Variants in HS6ST3 observed in about 807,000 individuals in gnomAD.
The protein encoded by HS6ST3 is heparan sulfate 6-O-sulfotransferase 3.
A neutral mutation model predicts 36.7 loss-of-function variants in HS6ST3; 12 were observed. The observed-to-expected ratio is 0.33, with a 90% confidence interval of 0.21 to 0.53. HS6ST3 has a LOEUF of 0.53. Among genes scored for constraint, HS6ST3 ranks in the 20% least tolerant of loss-of-function variants. HS6ST3 has a pLI of 0.95. For synonymous variants in HS6ST3, 240 were observed against 257.5 expected (o/e 0.93, Z 0.65); for missense variants, 584 against 640.9 (o/e 0.91, Z 0.96).
intron 1 of HS6ST3, among the ~76,000 whole-genome samples, chr13:96,378,169 A>G (rs1032804010): frequency 2.6e-5 from 4 of 152,192 alleles, no homozygotes; most frequent in Admixed American, 6.5e-5. Context: ...GCACCATGGC[A>G]TCATGCTAAC....
chr13:96,807,212 C>G (rs1878215426), intron 1 of HS6ST3, among the ~76,000 whole-genome samples: 1 of 152,194 alleles, frequency 6.6e-6, no homozygotes, highest in South Asian at 2.1e-4. Flanking sequence ...AATTACATCA[C>G]AAACCAAACT....
At chr13:96,520,624 A>G (rs147609783) in intron 1 of HS6ST3, among the ~76,000 whole-genome samples, 22 of 151,492 alleles carry the variant, frequency 1.5e-4, no homozygotes, top group Middle Eastern at 3.4e-3. Context: ...GCAATTGTGA[A>G]TGTAGCAATT....
chr13:96,585,504 A>G (rs1397015599), intron 1 of HS6ST3, among the ~76,000 whole-genome samples: 4 of 152,192 alleles, frequency 2.6e-5, no homozygotes, highest in African/African-American at 9.6e-5. Flanking sequence ...TTTCAATAAT[A>G]CAATATATAA....
At chr13:96,198,698 C>CTGAGG (rs2054326871) in intron 1 of HS6ST3, among the ~76,000 whole-genome samples, 1 of 152,182 alleles carries the variant, frequency 6.6e-6, no homozygotes, top group Non-Finnish European at 1.5e-5. Context: ...CATCTGAGAC[C>CTGAGG]AACTCAGCCT....
chr13:96,413,633 C>T (rs2055519113), intron 1 of HS6ST3, among the ~76,000 whole-genome samples: 1 of 152,084 alleles, frequency 6.6e-6, no homozygotes, highest in Non-Finnish European at 1.5e-5. Flanking sequence ...GTTTTACTTG[C>T]CAGATCCATC....
intron 1 of HS6ST3, among the ~76,000 whole-genome samples, chr13:96,266,615 A>G (rs1421960364): frequency 2.0e-5 from 3 of 152,130 alleles, no homozygotes; most frequent in African/African-American, 7.2e-5. Context: ...CCAATTTTAG[A>G]TTTGCACTAA....
chr13:96,131,215 T>G (rs2053973963), intron 1 of HS6ST3, among the ~76,000 whole-genome samples: 1 of 152,190 alleles, frequency 6.6e-6, no homozygotes, highest in Non-Finnish European at 1.5e-5. Flanking sequence ...TCAAAACAAG[T>G]CATTAACTAC....
chr13:96,374,677 T>TC (rs1188057565), intron 1 of HS6ST3, among the ~76,000 whole-genome samples: 1 of 152,044 alleles, frequency 6.6e-6, no homozygotes, highest in Admixed American at 6.6e-5. Context: ...TCTTGAGTGG[T>TC]AAAAACCATA....
At chr13:96,784,144 TTATTTGTATCAA>T (rs1194472752) in intron 1 of HS6ST3, among the ~76,000 whole-genome samples, 2 of 151,906 alleles carry the variant, frequency 1.3e-5, no homozygotes, top group African/African-American at 4.8e-5. Flanking sequence ...AGTTGCGTGT[TTATTTGTATCAA>T]TATCTGCTTT....
At chr13:96,578,343 G>A (rs1430119246) in intron 1 of HS6ST3, among the ~76,000 whole-genome samples, 1 of 152,182 alleles carries the variant, frequency 6.6e-6, no homozygotes, top group Non-Finnish European at 1.5e-5. Flanking sequence ...AAAATGCCAA[G>A]TTTGGGTCAT....
chr13:96,760,120 T>G (rs1876929125), intron 1 of HS6ST3, among the ~76,000 whole-genome samples: 1 of 152,064 alleles, frequency 6.6e-6, no homozygotes, highest in Non-Finnish European at 1.5e-5. Flanking sequence ...TTTAGTCTAT[T>G]GTATATCTAG....
At chr13:96,776,816 A>T (rs1248835977) in intron 1 of HS6ST3, among the ~76,000 whole-genome samples, 1 of 152,214 alleles carries the variant, frequency 6.6e-6, no homozygotes, top group Non-Finnish European at 1.5e-5. Context: ...ATAGAAACAG[A>T]CAGACTCCTC....
chr13:96,110,454 T>G (rs2053862731), intron 1 of HS6ST3, among the ~76,000 whole-genome samples: 1 of 151,014 alleles, frequency 6.6e-6, no homozygotes. Flanking sequence ...TTTTTTTTTT[T>G]GAGACGGTGT....
intron 1 of HS6ST3, among the ~76,000 whole-genome samples, chr13:96,263,123 A>G (rs1361707614): frequency 1.3e-5 from 2 of 152,234 alleles, no homozygotes; most frequent in African/African-American, 4.8e-5. Flanking sequence ...TACTCTTGCA[A>G]AATAGCTGTT....
At chr13:96,235,359 G>A (rs1384563632) in intron 1 of HS6ST3, among the ~76,000 whole-genome samples, 2 of 152,100 alleles carry the variant, frequency 1.3e-5, no homozygotes, top group Non-Finnish European at 2.9e-5. Context: ...GTCAGAGCAG[G>A]CAGTCAACTG....
intron 1 of HS6ST3, among the ~76,000 whole-genome samples, chr13:96,396,497 T>C (rs1232237819): frequency 6.6e-6 from 1 of 152,176 alleles, no homozygotes; most frequent in Non-Finnish European, 1.5e-5. Context: ...CATATAGATA[T>C]ATAGGTTCTA....
intron 1 of HS6ST3, among the ~76,000 whole-genome samples, chr13:96,726,735 TG>T (rs1488432670): frequency 6.6e-6 from 1 of 152,254 alleles, no homozygotes; most frequent in Non-Finnish European, 1.5e-5. Context: ...TTAAGATTTT[TG>T]GAAGATATTT....
chr13:96,360,338 T>C (rs2055231447), intron 1 of HS6ST3, among the ~76,000 whole-genome samples: 1 of 152,094 alleles, frequency 6.6e-6, no homozygotes, highest in Non-Finnish European at 1.5e-5. Flanking sequence ...GAATGTCTTA[T>C]TCAGTGCTCC....
At chr13:96,115,367 C>T (rs1159753977) in intron 1 of HS6ST3, among the ~76,000 whole-genome samples, 1 of 152,072 alleles carries the variant, frequency 6.6e-6, no homozygotes, top group Non-Finnish European at 1.5e-5. Flanking sequence ...GTTTGCTGCA[C>T]CTATTGACCC....
Sources: gnomAD v4.1 joint callset for allele counts (sites outside exome capture counted in the v4.1 genomes callset) on GRCh38, gnomAD v4.1.1 for gene constraint, MANE v1.5 for transcripts, NCBI Gene and HGNC (gene_info 2026-07-23, HGNC 2026-07-21) for gene names.